The following PKD1L3 variants were observed in gnomAD, a reference collection of about 807,000 sequenced individuals.
PKD1L3 encodes the protein polycystin 1 like 3, transient receptor potential channel interacting.
A neutral mutation model predicts 184.1 loss-of-function variants in PKD1L3; 239 were observed. The observed-to-expected ratio is 1.30, with a 90% confidence interval of 1.17 to 1.45. The LOEUF (loss-of-function observed/expected upper bound fraction) is 1.45. PKD1L3 is among the 40% of genes most tolerant of loss of function. The pLI is 0.00. For missense variants in PKD1L3, 2,660 were observed against 2,067.2 expected (o/e 1.29, Z -5.56); for synonymous variants, 996 against 778.8 (o/e 1.28, Z -4.64).
intron 4 of PKD1L3, 60 bp from the exon 5 acceptor site, chr16:71,986,529 A>G (rs2040373410): frequency 1.3e-6 from 2 of 1,485,156 alleles, no homozygotes; most frequent in Admixed American, 2.2e-5. Flanking sequence ...TTTATAATTA[A>G]GGCAGCATTT....
At chr16:71,977,786 T>A (rs1377844693) in intron 10 of PKD1L3, among the ~76,000 whole-genome samples, 3 of 152,064 alleles carry the variant, frequency 2.0e-5, no homozygotes, top group Non-Finnish European at 4.4e-5. Context: ...TTATTCTTCT[T>A]ATTTTTGAGA....
At chr16:71,943,901 A>T (rs1261773239) in intron 23 of PKD1L3, 129 bp downstream of exon 23, 2 of 1,163,892 alleles carry the variant, frequency 1.7e-6, no homozygotes, top group East Asian at 5.1e-5. Context: ...GGAATCCCAA[A>T]TCTCACAGGG....
At chr16:71,981,338 C>A (rs1311130916) in intron 7 of PKD1L3, among the ~76,000 whole-genome samples, 1 of 152,114 alleles carries the variant, frequency 6.6e-6, no homozygotes, top group African/African-American at 2.4e-5. Flanking sequence ...ATTTTACAAT[C>A]GAACAATGGA....
intron 22 of PKD1L3, among the ~76,000 whole-genome samples, chr16:71,945,113 T>G (rs1274530210): frequency 6.6e-6 from 1 of 150,852 alleles, no homozygotes; most frequent in African/African-American, 2.4e-5. Context: ...TTCCTGTACT[T>G]AGACTAGAAA....
intron 16 of PKD1L3, among the ~76,000 whole-genome samples, chr16:71,958,237 A>G (rs1346783873): frequency 6.6e-6 from 1 of 151,620 alleles, no homozygotes; most frequent in Non-Finnish European, 1.5e-5. Context: ...AATACAAAAA[A>G]TTAGCTGGGC....
intron 24 of PKD1L3, 116 bp downstream of exon 24, chr16:71,942,444 C>T: frequency 1.2e-6 from 1 of 833,146 alleles, no homozygotes. Flanking sequence ...AACAAATTTA[C>T]CTCTCTTGTA....
intron 2 of PKD1L3, among the ~76,000 whole-genome samples, chr16:71,997,210 T>C (rs187659110): frequency 1.1e-3 from 172 of 152,274 alleles, no homozygotes; most frequent in Admixed American, 2.2e-3. Flanking sequence ...TCCATATACA[T>C]AGTTTTACGT....
At chr16:71,938,319 G>A (rs944160204) in intron 24 of PKD1L3, among the ~76,000 whole-genome samples, 10 of 152,248 alleles carry the variant, frequency 6.6e-5, no homozygotes, top group Non-Finnish European at 1.3e-4. Flanking sequence ...CTTTGGACAC[G>A]GACAAGCATG....
In PKD1L3 at chr16:71,933,495, G is replaced by C; in HGVS notation, c.4851C>G (p.Ile1617Met). 6.4e-7 allele frequency: 1 copy of C among 1,551,694 alleles called. No individual in the cohort carries two copies. Among genetic ancestry groups the C allele is most frequent in the Non-Finnish European group, 8.7e-7 (1 of 1,146,816 alleles). The change falls in exon 28 of 30, where the codon ATC (isoleucine) becomes ATG (methionine). Residue 1617 changes from isoleucine (I) to methionine (M), a missense_variant. Coordinates refer to ENST00000620267, the MANE Select transcript of PKD1L3 (RefSeq NM_181536.2). ...IAFNLLFGCSISDYRTFFSSA... is the reference protein window; with the variant it reads ...IAFNLLFGCSMSDYRTFFSSA... Reference sequence around the variant, plus strand: ...AGCTGAAAAATGTCCGGTAGTCAGAGATGCTGCATCCAAACAGCAGGTTAA... The same window carrying C: ...AGCTGAAAAATGTCCGGTAGTCAGACATGCTGCATCCAAACAGCAGGTTAA...
intron 21 of PKD1L3, among the ~76,000 whole-genome samples, chr16:71,949,040 A>G (rs1251199231): frequency 6.6e-6 from 1 of 152,138 alleles, no homozygotes; most frequent in Non-Finnish European, 1.5e-5. Context: ...ATAAAATGAT[A>G]TGAAGTCTGA....
At chr16:71,989,438 C>A (rs1328262086) in intron 4 of PKD1L3, among the ~76,000 whole-genome samples, 1 of 152,244 alleles carries the variant, frequency 6.6e-6, no homozygotes, top group Non-Finnish European at 1.5e-5. Flanking sequence ...CGGGCGTGAG[C>A]CACCGTGCCC....
At chr16:71,960,178 A>C (rs532245687) in intron 16 of PKD1L3, among the ~76,000 whole-genome samples, 8 of 152,120 alleles carry the variant, frequency 5.3e-5, no homozygotes, top group African/African-American at 1.2e-4. Context: ...AAAAAAAAAA[A>C]ACCAAAAAAA....
At chr16:71,975,434 T>C (rs1472718105) in intron 11 of PKD1L3, among the ~76,000 whole-genome samples, 2 of 152,130 alleles carry the variant, frequency 1.3e-5, no homozygotes, top group Non-Finnish European at 2.9e-5. Flanking sequence ...TCTGATTTTA[T>C]ACCAAGGCAT....
At chr16:71,978,941 GA>G (rs2040041669) in intron 9 of PKD1L3, among the ~76,000 whole-genome samples, 1 of 152,052 alleles carries the variant, frequency 6.6e-6, no homozygotes. Flanking sequence ...AATTAAAGAT[GA>G]ATTATCGTTG....
chr16:71,970,999 G>A (rs1298246275), intron 12 of PKD1L3, among the ~76,000 whole-genome samples: 6 of 152,132 alleles, frequency 3.9e-5, no homozygotes, highest in Non-Finnish European at 8.8e-5. Context: ...TCTCCAGAAT[G>A]TCAGTTCATG....
intron 22 of PKD1L3, among the ~76,000 whole-genome samples, chr16:71,945,184 A>G (rs2075995598): frequency 6.9e-6 from 1 of 145,622 alleles, no homozygotes; most frequent in Non-Finnish European, 1.5e-5. Context: ...GTATTCTCAG[A>G]TTTTAATGTG....
intron 16 of PKD1L3, among the ~76,000 whole-genome samples, chr16:71,962,558 C>T (rs1459502552): frequency 2.0e-5 from 3 of 152,138 alleles, no homozygotes; most frequent in Admixed American, 6.6e-5. Context: ...GCAATCTTGG[C>T]TCACTGCAAC....
chr16:71,962,248 C>G (rs564371470), intron 16 of PKD1L3, among the ~76,000 whole-genome samples: 3 of 152,014 alleles, frequency 2.0e-5, no homozygotes, highest in African/African-American at 7.2e-5. Context: ...GGGCCTCTTG[C>G]AATCATCTTG....
At chr16:71,941,960 C>T (rs2038377106) in intron 24 of PKD1L3, among the ~76,000 whole-genome samples, 1 of 151,856 alleles carries the variant, frequency 6.6e-6, no homozygotes, top group African/African-American at 2.4e-5. Flanking sequence ...TGGGAATCAG[C>T]ATGCCAGCAT....
Sources: gnomAD v4.1 joint callset for allele counts (sites outside exome capture counted in the v4.1 genomes callset) on GRCh38, gnomAD v4.1.1 for gene constraint, MANE v1.5 for transcripts, NCBI Gene and HGNC (gene_info 2026-07-23, HGNC 2026-07-21) for gene names.